MYO5B: variants seen among roughly 807,000 people sequenced by gnomAD.
MYO5B encodes the protein myosin VB, also known as unconventional myosin-Vb.
Under a neutral mutation model 229.3 loss-of-function variants are expected in MYO5B, and 143 were observed. That is an observed-to-expected ratio of 0.62 (90% CI 0.54 to 0.72). The LOEUF is 0.72. Among genes scored for constraint, MYO5B ranks in the 30% least tolerant of loss-of-function variants. MYO5B has a pLI of 0.00. For synonymous variants in MYO5B, 918 were observed against 885.2 expected (o/e 1.04, Z -0.66); for missense variants, 2,321 against 2,331.0 (o/e 1.00, Z 0.09).
At chr18:50,019,255 T>C (rs1463987502) in intron 4 of MYO5B, among the ~76,000 whole-genome samples, 1 of 152,208 alleles carries the variant, frequency 6.6e-6, no homozygotes, top group Non-Finnish European at 1.5e-5. Context: ...GTTCCATCCT[T>C]ATTATTTTCC....
chr18:50,092,991 C>G (rs576658122), intron 1 of MYO5B, among the ~76,000 whole-genome samples: 25 of 152,208 alleles, frequency 1.6e-4, no homozygotes, highest in African/African-American at 5.8e-4. Context: ...GAAACCTTAA[C>G]AAACATGCAG....
chr18:49,913,085 T>C (rs1438875273), intron 17 of MYO5B, among the ~76,000 whole-genome samples: 2 of 152,238 alleles, frequency 1.3e-5, no homozygotes, highest in Non-Finnish European at 2.9e-5. Context: ...ATTAGAGTAA[T>C]ACAGGCCCAC....
At position 49,875,767 on chromosome 18, in the gene MYO5B, C is replaced by A. The variant is rs763222014; in HGVS notation, c.3457G>T (p.Val1153Leu). ...TTCCTCTCCTGCTCCAGCTCCCGTA[C>A]TCTCTTCTGCAGCTTCAGGAAGACC... Reference protein sequence around the residue: ...MTVFLKLQKRVRELEQERKKL... With the variant: ...MTVFLKLQKRLRELEQERKKL... Residue 1153 changes from valine to leucine, a missense_variant, in exon 26 of 40, where the codon GTA (valine) becomes TTA (leucine). Physicochemically the swap from Val to Leu is conservative, Grantham distance 32 (BLOSUM62 1). Transcript: ENST00000285039. 13 of 1,614,206 alleles carry A rather than the reference C, an allele frequency of 8.1e-6. No homozygotes were observed. The highest frequency in any genetic ancestry group is 1.1e-5 in the Non-Finnish European group (13 of 1,180,024).
intron 9 of MYO5B, among the ~76,000 whole-genome samples, chr18:49,978,784 AAAG>A (rs778286432): frequency 1.4e-4 from 21 of 151,984 alleles, no homozygotes; most frequent in Admixed American, 6.6e-4. Flanking sequence ...AGAACCCATG[AAAG>A]AAGAAGTGAC....
chr18:50,052,320 G>C (rs917938505), intron 2 of MYO5B, among the ~76,000 whole-genome samples: 3 of 150,096 alleles, frequency 2.0e-5, no homozygotes, highest in African/African-American at 7.4e-5. Flanking sequence ...GTCCAACAAT[G>C]ATAGACTGGA....
At chr18:49,845,338 C>T (rs575528969) in intron 33 of MYO5B, among the ~76,000 whole-genome samples, 1 of 152,284 alleles carries the variant, frequency 6.6e-6, no homozygotes, top group Admixed American at 6.5e-5. Flanking sequence ...TAAAAACACA[C>T]AAACCAAACA....
intron 1 of MYO5B, among the ~76,000 whole-genome samples, chr18:50,056,861 A>G (rs900457012): frequency 6.6e-6 from 1 of 152,074 alleles, no homozygotes; most frequent in Non-Finnish European, 1.5e-5. Context: ...CCAGTCAATG[A>G]GAAAGCAAAC....
At chr18:50,002,365 G>A (rs2026057456) in intron 4 of MYO5B, among the ~76,000 whole-genome samples, 1 of 152,064 alleles carries the variant, frequency 6.6e-6, no homozygotes, top group Non-Finnish European at 1.5e-5. Context: ...CTCTACATCA[G>A]ATAGAAACAC....
intron 10 of MYO5B, among the ~76,000 whole-genome samples, chr18:49,967,170 A>G (rs974092066): frequency 6.6e-6 from 1 of 152,250 alleles, no homozygotes; most frequent in Non-Finnish European, 1.5e-5. Flanking sequence ...CGATGGCACA[A>G]TGATCACACT....
chr18:50,010,416 C>G (rs150137108), intron 4 of MYO5B, among the ~76,000 whole-genome samples: 318 of 152,312 alleles, frequency 2.1e-3, no homozygotes, highest in African/African-American at 7.3e-3. Flanking sequence ...ACAGGCCAGA[C>G]AGAGGGAGAC....
chr18:50,042,301 T>TA lies in MYO5B; in HGVS notation c.139-1988dup, dbSNP rs750595875. Among the ~76,000 whole-genome samples, 108 of 149,400 alleles carry TA rather than the reference T, an allele frequency of 7.2e-4. 1 individual carries two copies. Among genetic ancestry groups the TA allele is most frequent in the Non-Finnish European group, 1.2e-3 (79 of 67,114 alleles). On this transcript the variant is annotated intron_variant, in intron 2 of 39. Transcript: ENST00000285039. The stretch of plus-strand genomic sequence containing the variant: ...AGCTACCTACAGCATTCTTCTGAAT[T>TA]AAAAAAAAAAGTATCCTATAGGAAT...
chr18:49,841,352 G>T lies in MYO5B; in HGVS notation c.4701+13C>A. The T allele has an allele frequency of 6.2e-7, 1 of 1,613,344 alleles. No individual in the cohort carries two copies. The highest frequency in any genetic ancestry group is 8.5e-7 in the Non-Finnish European group (1 of 1,179,332). On this transcript the variant is annotated intron_variant, in intron 35 of 39. Transcript: ENST00000285039. ...AGCAGGAATGCCTCCTGGGTGCCTG[G>T]CTCCCCACTCACCTCATCCCCGCTG... is the stretch of plus-strand genomic sequence containing the variant.
chr18:49,954,390 G>A lies in MYO5B; in HGVS notation c.1591C>T (p.Arg531Trp), dbSNP rs374618270. 8.7e-6 allele frequency: 14 copies of A among 1,613,810 alleles called. No individual in the cohort carries two copies. Among genetic ancestry groups the A allele is most frequent in the African/African-American group, 4.0e-5 (3 of 74,864 alleles). ...TGGAAGTGCTGGCTGCTGGAGTGCCGGTCATAGAGCTTCTGAGCCCAGTTC... is the reference window on the plus strand; with the variant it reads ...TGGAAGTGCTGGCTGCTGGAGTGCCAGTCATAGAGCTTCTGAGCCCAGTTC... Reference protein sequence around the residue: ...DQNWAQKLYDRHSSSQHFQKP... With the variant: ...DQNWAQKLYDWHSSSQHFQKP... Residue 531 changes from arginine (R) to tryptophan (W), a missense_variant, in exon 13 of 40, where the codon CGG becomes TGG. Transcript: ENST00000285039.
At chr18:50,175,703 G>A (rs1197197687) in intron 1 of MYO5B, among the ~76,000 whole-genome samples, 1 of 152,196 alleles carries the variant, frequency 6.6e-6, no homozygotes, top group Admixed American at 6.5e-5. Context: ...GGTCATAAAG[G>A]TCAAATTCTT....
chr18:49,988,880 T>C (rs2025899363), intron 7 of MYO5B, among the ~76,000 whole-genome samples: 1 of 152,158 alleles, frequency 6.6e-6, no homozygotes, highest in Non-Finnish European at 1.5e-5. Context: ...TCCTCAAGGA[T>C]TTTATCATGT....
intron 1 of MYO5B, among the ~76,000 whole-genome samples, chr18:50,178,481 C>T (rs1310470744): frequency 6.6e-6 from 1 of 152,210 alleles, no homozygotes; most frequent in East Asian, 1.9e-4. Context: ...AAACATAGCC[C>T]AGCAGGGAAG....
intron 4 of MYO5B, among the ~76,000 whole-genome samples, chr18:50,003,632 G>T (rs2026070407): frequency 6.6e-6 from 1 of 152,146 alleles, no homozygotes; most frequent in Admixed American, 6.5e-5. Context: ...GTTTGGCGTT[G>T]TACCTCTGAA....
chr18:49,875,888 C>A (rs2024516477), intron 25 of MYO5B, 61 bp from the exon 26 acceptor site: 5 of 1,589,282 alleles, frequency 3.1e-6, no homozygotes, highest in Admixed American at 3.3e-5. Context: ...AGGGAACACA[C>A]AGCACTTCAC....
chr18:50,105,683 C>A (rs1266599828), intron 1 of MYO5B, among the ~76,000 whole-genome samples: 2 of 151,124 alleles, frequency 1.3e-5, no homozygotes, highest in Non-Finnish European at 2.9e-5. Context: ...ACACAGGTTT[C>A]GCCTGATTTC....
Sources: gnomAD v4.1 joint callset for allele counts (sites outside exome capture counted in the v4.1 genomes callset) on GRCh38, gnomAD v4.1.1 for gene constraint, MANE v1.5 for transcripts, NCBI Gene and HGNC (gene_info 2026-07-23, HGNC 2026-07-21) for gene names.